CNTN5: variants seen among roughly 807,000 people sequenced by gnomAD.
CNTN5 encodes contactin-5.
In CNTN5, 77 loss-of-function variants were observed where a neutral mutation model predicts 129.1. That is an observed-to-expected ratio of 0.60 (90% confidence interval 0.50 to 0.72). The LOEUF (loss-of-function observed/expected upper bound fraction) is 0.72. Ranked by LOEUF, CNTN5 falls within the 30% of genes least tolerant of loss-of-function variation. The probability of loss-of-function intolerance (pLI) is 0.00; values close to 1 mark genes in which losing one functional copy is unlikely to be tolerated. For synonymous variants in CNTN5, 509 were observed against 465.6 expected (o/e 1.09, Z -1.20); for missense variants, 1,478 against 1,328.8 (o/e 1.11, Z -1.75).
chr11:99,130,092 G>A (rs749219352), intron 1 of CNTN5, among the ~76,000 whole-genome samples: 14 of 151,902 alleles, frequency 9.2e-5, no homozygotes, highest in African/African-American at 1.2e-4. Flanking sequence ...TATGATGACA[G>A]GATCAAATTC....
At chr11:100,094,463 G>A (rs574624133) in intron 13 of CNTN5, among the ~76,000 whole-genome samples, 2 of 152,190 alleles carry the variant, frequency 1.3e-5, no homozygotes, top group Non-Finnish European at 2.9e-5. Flanking sequence ...TTTTTAAAGA[G>A]TCAGTCGACT....
intron 3 of CNTN5, among the ~76,000 whole-genome samples, chr11:99,650,380 G>A (rs967392109): frequency 3.3e-5 from 5 of 151,808 alleles, no homozygotes; most frequent in African/African-American, 1.2e-4. Flanking sequence ...CTGAACAGAT[G>A]ATTATAAAGC....
intron 3 of CNTN5, among the ~76,000 whole-genome samples, chr11:99,562,849 T>C (rs1332036256): frequency 2.6e-5 from 4 of 152,164 alleles, no homozygotes; most frequent in Non-Finnish European, 4.4e-5. Context: ...AGCTCAACAA[T>C]GTACATGTTG....
intron 17 of CNTN5, among the ~76,000 whole-genome samples, chr11:100,258,026 G>T (rs571864889): frequency 1.3e-5 from 2 of 152,222 alleles, no homozygotes; most frequent in South Asian, 2.1e-4. Flanking sequence ...ATGCAAGGAA[G>T]CTAAGAACCT....
chr11:100,043,057 C>T (rs4754664), intron 9 of CNTN5, among the ~76,000 whole-genome samples: 82,070 of 152,010 alleles, frequency 0.54, 22,774 homozygotes, highest in East Asian at 0.75. Context: ...TAACTCTACT[C>T]TCAGGTTATT....
chr11:99,739,777 C>T (rs182712449), intron 3 of CNTN5, among the ~76,000 whole-genome samples: 2 of 152,250 alleles, frequency 1.3e-5, no homozygotes, highest in Admixed American at 1.3e-4. Flanking sequence ...TGTAGCGATG[C>T]ATCAGTTTTA....
chr11:99,379,018 A>G (rs887433708), intron 2 of CNTN5, among the ~76,000 whole-genome samples: 1 of 152,054 alleles, frequency 6.6e-6, no homozygotes, highest in Non-Finnish European at 1.5e-5. Context: ...AATAAAATAC[A>G]TACATAAAAT....
intron 3 of CNTN5, among the ~76,000 whole-genome samples, chr11:99,690,455 CT>C (rs1953995558): frequency 6.6e-6 from 1 of 152,006 alleles, no homozygotes; most frequent in South Asian, 2.1e-4. Context: ...CGGGCTCTTT[CT>C]TGGTTCCTTA....
chr11:99,287,614 G>T (rs1863992830), intron 1 of CNTN5, among the ~76,000 whole-genome samples: 1 of 151,990 alleles, frequency 6.6e-6, no homozygotes. Context: ...ATATGATTCA[G>T]TTTCTATGAA....
chr11:99,675,955 A>G (rs1953262598), intron 3 of CNTN5, among the ~76,000 whole-genome samples: 1 of 152,114 alleles, frequency 6.6e-6, no homozygotes, highest in African/African-American at 2.4e-5. Context: ...TGAAAAATAC[A>G]AAATTCTCTA....
intron 8 of CNTN5, among the ~76,000 whole-genome samples, chr11:99,984,280 AAG>A (rs1473816436): frequency 1.3e-5 from 2 of 152,074 alleles, no homozygotes; most frequent in Non-Finnish European, 2.9e-5. Context: ...ATCACAAAAA[AAG>A]AGAGAAAGAA....
chr11:100,046,637 T>C (rs1403677044), intron 9 of CNTN5, among the ~76,000 whole-genome samples: 3 of 152,186 alleles, frequency 2.0e-5, no homozygotes, highest in Non-Finnish European at 1.5e-5. Context: ...TGTATACATA[T>C]AAAACATATG....
intron 2 of CNTN5, among the ~76,000 whole-genome samples, chr11:99,506,182 T>A (rs1339811102): frequency 6.6e-6 from 1 of 152,228 alleles, no homozygotes; most frequent in African/African-American, 2.4e-5. Flanking sequence ...GTCCTCATGC[T>A]CATCATTTCT....
At chr11:99,078,687 C>T (rs964753807) in intron 1 of CNTN5, among the ~76,000 whole-genome samples, 1 of 152,042 alleles carries the variant, frequency 6.6e-6, no homozygotes. Context: ...ATAATCCAGG[C>T]ACAGAAAGAC....
intron 4 of CNTN5, among the ~76,000 whole-genome samples, chr11:99,829,736 T>G (rs1038738550): frequency 1.3e-5 from 2 of 152,196 alleles, no homozygotes; most frequent in Admixed American, 6.5e-5. Context: ...CTAAAGTAGT[T>G]ATTTGAGTAC....
chr11:99,413,562 T>A (rs1336309212), intron 2 of CNTN5, among the ~76,000 whole-genome samples: 1 of 152,028 alleles, frequency 6.6e-6, no homozygotes, highest in East Asian at 1.9e-4. Context: ...GAGGTTGCAG[T>A]GAGCTGAGAT....
chr11:99,040,234 T>C (rs913361412), intron 1 of CNTN5, among the ~76,000 whole-genome samples: 1 of 152,068 alleles, frequency 6.6e-6, no homozygotes, highest in South Asian at 2.1e-4. Context: ...TAAAATATAA[T>C]TGAATGATTA....
At chr11:99,887,510 A>C (rs1291199665) in intron 6 of CNTN5, among the ~76,000 whole-genome samples, 2 of 152,218 alleles carry the variant, frequency 1.3e-5, no homozygotes, top group Non-Finnish European at 2.9e-5. Flanking sequence ...AGATGTATAT[A>C]TGAAGGGGAG....
chr11:99,319,087 G>A (rs931293643), intron 1 of CNTN5, among the ~76,000 whole-genome samples: 3 of 152,022 alleles, frequency 2.0e-5, no homozygotes, highest in Non-Finnish European at 4.4e-5. Flanking sequence ...CTCTGTGGGG[G>A]AAAAAGCAAA....
Sources: gnomAD v4.1 joint callset for allele counts (sites outside exome capture counted in the v4.1 genomes callset) on GRCh38, gnomAD v4.1.1 for gene constraint, MANE v1.5 for transcripts, NCBI Gene and HGNC (gene_info 2026-07-23, HGNC 2026-07-21) for gene names.